Variants in DLC1 observed in about 807,000 individuals in gnomAD.
The protein encoded by DLC1 is rho GTPase-activating protein 7.
DLC1 carries 54 observed loss-of-function variants against 140.3 expected under a neutral mutation model. The observed-to-expected ratio is 0.38, with a 90% CI of 0.31 to 0.48. The LOEUF (loss-of-function observed/expected upper bound fraction) is 0.48. Ranked by LOEUF, DLC1 falls within the 20% of genes least tolerant of loss-of-function variation. The pLI is 0.96. For synonymous variants in DLC1, 986 were observed against 728.1 expected, an observed-to-expected ratio of 1.35 and a Z score of -5.70; for missense variants, 2,536 against 1,907.0, an observed-to-expected ratio of 1.33 and a Z score of -6.14.
chr8:13,552,572 G>C (rs78493591), intron 1 of DLC1, among the ~76,000 whole-genome samples: 2,372 of 151,350 alleles, frequency 0.016, 74 homozygotes, highest in African/African-American at 0.054. Context: ...GTTCTGTTGG[G>C]CAGTTATATA....
At chr8:13,319,821 C>CTCTTTTTTTT (rs1833018349) in intron 4 of DLC1, among the ~76,000 whole-genome samples, 1 of 88,978 alleles carries the variant, frequency 1.1e-5, no homozygotes, top group Non-Finnish European at 1.9e-5. Context: ...CTCTCTCTCT[C>CTCTTTTTTTT]TTTTTTTTTT....
chr8:13,106,224 AAGAAG>A (rs1441102543), intron 7 of DLC1, among the ~76,000 whole-genome samples: 2 of 152,214 alleles, frequency 1.3e-5, no homozygotes, highest in Admixed American at 6.5e-5. Flanking sequence ...GCCAAAAACA[AAGAAG>A]AGAAGAGGGA....
At chr8:13,112,913 A>G (rs1193478055) in intron 6 of DLC1, among the ~76,000 whole-genome samples, 1 of 152,178 alleles carries the variant, frequency 6.6e-6, no homozygotes, top group Non-Finnish European at 1.5e-5. Flanking sequence ...ATTTTTTAAT[A>G]TTTACAGAGT....
At chr8:13,581,378 C>T (rs1409118698) in intron 1 of DLC1, among the ~76,000 whole-genome samples, 1 of 152,188 alleles carries the variant, frequency 6.6e-6, no homozygotes, top group African/African-American at 2.4e-5. Context: ...GCTGTTCCCC[C>T]AGTCCTGTCT....
rs192843068 is a variant in DLC1 at position 13,310,667 on chromosome 8, C to T, written c.1315-5365G>A. ...TCATTTAAAGAGTCTTTTGAAATCACGCCATTCTGCAATATTGTTAGCCAG... is the reference window on the plus strand; with the variant it reads ...TCATTTAAAGAGTCTTTTGAAATCATGCCATTCTGCAATATTGTTAGCCAG... On this transcript the variant is annotated intron_variant, in intron 4 of 17. Transcript: ENST00000276297. 1.8e-3 allele frequency among the ~76,000 whole-genome samples: 268 copies of T among 152,294 alleles called. 1 individual carries two copies. Among genetic ancestry groups the T allele is most frequent in the African/African-American group, 6.3e-3 (261 of 41,564 alleles).
intron 5 of DLC1, chr8:13,160,254 C>T (rs897568866): frequency 8.5e-5 from 13 of 152,164 alleles, no homozygotes; most frequent in African/African-American, 3.1e-4. Context: ...TTCTCCACGC[C>T]CGCTGCTTCA....
intron 4 of DLC1, among the ~76,000 whole-genome samples, chr8:13,372,489 T>C (rs1432138788): frequency 2.6e-5 from 4 of 152,172 alleles, no homozygotes. Context: ...TGGAAGAACA[T>C]CAGTTCTTCA....
chr8:13,525,268 G>T (rs1802884602), intron 1 of DLC1, among the ~76,000 whole-genome samples: 1 of 152,124 alleles, frequency 6.6e-6, no homozygotes, highest in African/African-American at 2.4e-5. Context: ...TTGGGATATT[G>T]TTATTTGGCC....
intron 5 of DLC1, among the ~76,000 whole-genome samples, chr8:13,156,665 G>C (rs1360521640): frequency 1.3e-5 from 2 of 152,116 alleles, no homozygotes. Context: ...TAGAATGAAA[G>C]GTTATGAAAA....
intron 5 of DLC1, among the ~76,000 whole-genome samples, chr8:13,257,465 A>T (rs1830286140): frequency 6.6e-6 from 1 of 150,700 alleles, no homozygotes; most frequent in African/African-American, 2.4e-5. Flanking sequence ...AAAAGCAACA[A>T]TTCTGACATG....
intron 6 of DLC1, among the ~76,000 whole-genome samples, chr8:13,115,342 T>G (rs975194644): frequency 4.6e-5 from 7 of 152,124 alleles, no homozygotes; most frequent in African/African-American, 1.7e-4. Context: ...AAAATGATAG[T>G]CTTCAGCATG....
chr8:13,219,872 A>C (rs1828456226), intron 5 of DLC1, among the ~76,000 whole-genome samples: 1 of 152,180 alleles, frequency 6.6e-6, no homozygotes, highest in Non-Finnish European at 1.5e-5. Context: ...TACATGCTAC[A>C]CACATGGATG....
At chr8:13,542,901 T>C (rs1803535138) in intron 1 of DLC1, among the ~76,000 whole-genome samples, 2 of 152,162 alleles carry the variant, frequency 1.3e-5, no homozygotes, top group Non-Finnish European at 2.9e-5. Flanking sequence ...GATAATTACG[T>C]AGTCTATTAC....
chr8:13,381,951 A>G (rs561734633), intron 4 of DLC1, among the ~76,000 whole-genome samples: 8 of 152,296 alleles, frequency 5.3e-5, no homozygotes, highest in Admixed American at 3.3e-4. Context: ...ATGGAAACAG[A>G]GTAGTATTGA....
chr8:13,412,953 A>AAAG (rs1563326151), intron 2 of DLC1, among the ~76,000 whole-genome samples: 2 of 147,276 alleles, frequency 1.4e-5, no homozygotes, highest in Non-Finnish European at 1.5e-5. Flanking sequence ...AAAAAAAAAA[A>AAAG]ATGCCGGTTT....
chr8:13,118,467 A>G (rs2128952874), intron 5 of DLC1, among the ~76,000 whole-genome samples: 1 of 152,306 alleles, frequency 6.6e-6, no homozygotes, highest in Middle Eastern at 3.4e-3. Flanking sequence ...TGGGAAATAG[A>G]CAAGCATATG....
rs1487289216 is a variant in DLC1, at chr8:13,506,567, A to ATGTGTGTG, written c.-125-6379_-125-6372dup. Among the ~76,000 whole-genome samples, 642 of 111,642 alleles carry ATGTGTGTG rather than the reference A, an allele frequency of 5.8e-3. 17 individuals are homozygous for ATGTGTGTG. Among genetic ancestry groups the ATGTGTGTG allele is most frequent in the African/African-American group, 0.021 (603 of 28,150 alleles). 73.2% of individuals were successfully genotyped at this position (111,642 alleles called of 152,430 possible). On this transcript the variant is annotated intron_variant, in intron 1 of 17. Coordinates refer to ENST00000276297, the MANE Select transcript of DLC1 (RefSeq NM_182643.3). ...TGGACACACACACACACACACACAC[A>ATGTGTGTG]TGTGTGTGTGTGTGTATATATATAT...
rs538483473 is a variant in DLC1 at position 13,514,046 on chromosome 8, T to A, written c.-126+556A>T. On this transcript the variant is annotated intron_variant, in intron 1 of 17. Transcript: ENST00000276297. The stretch of plus-strand genomic sequence containing the variant: ...AATTTCACGTGTTTACTTTTTTTTT[T>A]TAAATGAACCTTTTAAGCTGTACAG... Among the ~76,000 whole-genome samples, 8 of 152,312 alleles carry A rather than the reference T, an allele frequency of 5.3e-5. No individual in the cohort carries two copies. In the South Asian group the frequency reaches 1.5e-3, roughly 28 times the overall value.
At chr8:13,091,223 G>A (rs570698048) in intron 14 of DLC1, 95 bp downstream of exon 14, 10 of 1,140,994 alleles carry the variant, frequency 8.8e-6, no homozygotes, top group Non-Finnish European at 1.2e-5. Flanking sequence ...CTGTGGAAAA[G>A]GTCTTCAGGT....
Sources: allele counts gnomAD v4.1 joint callset (sites outside exome capture counted in the v4.1 genomes callset), GRCh38; gene constraint gnomAD v4.1.1; transcripts MANE v1.5; gene names NCBI Gene and HGNC (gene_info 2026-07-23, HGNC 2026-07-21).